Variants in CYP4F2 observed in about 807,000 individuals in gnomAD.
CYP4F2 encodes cytochrome P450 family 4 subfamily F member 2, also known as cytochrome P450 4F2.
CYP4F2 carries 58 observed loss-of-function variants against 58.9 expected under a neutral mutation model. The ratio of observed to expected loss-of-function variants is 0.98; its 90% CI spans 0.80 to 1.23. The LOEUF (loss-of-function observed/expected upper bound fraction) is 1.23, where lower values mean the gene tolerates loss of function less well. Among genes scored for constraint, CYP4F2 ranks in the 50% most tolerant of loss-of-function variants. CYP4F2 has a pLI of 0.00. For missense variants in CYP4F2, 616 were observed against 685.6 expected (o/e 0.90, Z 1.13); for synonymous variants, 287 against 261.1 (o/e 1.10, Z -0.95).
chr19:15,879,090 A>G (rs944093569), intron 12 of CYP4F2, among the ~76,000 whole-genome samples, 154 bp from the exon 13 acceptor site: 5 of 152,136 alleles, frequency 3.3e-5, no homozygotes, highest in Non-Finnish European at 7.4e-5. Flanking sequence ...GCGGGCTTGC[A>G]TATCCTGCAA....
intron 5 of CYP4F2, 69 bp downstream of exon 5, chr19:15,892,240 C>G: frequency 6.2e-7 from 1 of 1,602,078 alleles, no homozygotes; most frequent in South Asian, 1.1e-5. Flanking sequence ...GCCAAAACTC[C>G]AGACTAGATC....
In CYP4F2 at chr19:15,887,967, G is replaced by A. The variant is rs373517754; in HGVS notation, c.918+1456C>T. On this transcript the variant is annotated intron_variant, in intron 7 of 12. Coordinates refer to ENST00000221700, the MANE Select transcript of CYP4F2 (RefSeq NM_001082.5). The stretch of plus-strand genomic sequence containing the variant: ...ACAGACACACACACACATAGACAAA[G>A]TCACAGACTTAGAAACACAGACACA... Among the ~76,000 whole-genome samples, 4 of 150,020 alleles carry A rather than the reference G, an allele frequency of 2.7e-5. No individual in the cohort carries two copies. In the East Asian group the frequency reaches 7.9e-4, roughly 30 times the overall value.
intron 5 of CYP4F2, among the ~76,000 whole-genome samples, chr19:15,891,173 A>C (rs2089414135): frequency 6.6e-6 from 1 of 152,178 alleles, no homozygotes; most frequent in Non-Finnish European, 1.5e-5. Flanking sequence ...GGATAAGGTA[A>C]AGACTCCCTC....
chr19:15,892,832 GC>G (rs2089425058), intron 3 of CYP4F2, among the ~76,000 whole-genome samples: 1 of 152,110 alleles, frequency 6.6e-6, no homozygotes. Flanking sequence ...GTTCCAGCAT[GC>G]CTTGACATGC....
chr19:15,886,215 T>A, intron 8 of CYP4F2, 27 bp downstream of exon 8: 2 of 1,613,794 alleles, frequency 1.2e-6, no homozygotes, highest in Non-Finnish European at 8.5e-7. Context: ...CCCGGTCCCC[T>A]CTCTAGCCCC....
intron 1 of CYP4F2, 192 bp from the exon 2 acceptor site, chr19:15,897,804 G>C: frequency 1.6e-6 from 1 of 620,020 alleles, no homozygotes; most frequent in East Asian, 2.9e-5. Context: ...GTGGCCTCCA[G>C]TTCCCTAGTA....
chr19:15,887,739 C>T (rs1256345154), intron 7 of CYP4F2, among the ~76,000 whole-genome samples: 10 of 151,846 alleles, frequency 6.6e-5, no homozygotes, highest in Admixed American at 1.3e-4. Flanking sequence ...GAAACACAGA[C>T]ACACAAATAC....
chr19:15,878,804 G>A lies in CYP4F2; in HGVS notation c.1530C>T (p.Gly510=), dbSNP rs1486329751. ...RKPELVLRAE[G]GLWLRVEPLS ...GGGGCTCCACCCGCAGCCAAAGTCC[G>A]CCCTCTGCGCGCAGGACCAGCTCCG... The change falls in exon 13 of 13, where the codon GGC becomes GGT. Residue 510 remains glycine (G), a synonymous_variant. Coordinates refer to ENST00000221700, the MANE Select transcript of CYP4F2 (RefSeq NM_001082.5). 1.9e-6 allele frequency: 3 copies of A among 1,613,622 alleles called. No individual in the cohort carries two copies. The African/African-American group carries it at 4.0e-5, about 22-fold the overall frequency.
intron 9 of CYP4F2, among the ~76,000 whole-genome samples, chr19:15,881,386 GAA>G (rs769185916): frequency 1.3e-5 from 2 of 152,062 alleles, no homozygotes; most frequent in African/African-American, 2.4e-5. Context: ...AAAAGTATAT[GAA>G]TATATATTTA....
rs757618529 is a variant in CYP4F2 at position 15,890,318 on chromosome 19, C to T, written c.641G>A (p.Cys214Tyr). Reference protein sequence around the residue: ...QKCVFSFDSHCQEKPSEYIAA... With the variant: ...QKCVFSFDSHYQEKPSEYIAA... ...ATCCTGGGCAAGAACTTACTCCTGA[C>T]AATGGCTGTCAAAGCTGAAGACACA... Residue 214 changes from cysteine (C) to tyrosine (Y), a missense_variant, in exon 6 of 13, where the codon TGT becomes TAT. By Grantham distance (194) the Cys-to-Tyr change is radical (BLOSUM62 -2). Coordinates refer to ENST00000221700, the MANE Select transcript of CYP4F2 (RefSeq NM_001082.5). The T allele has an allele frequency of 1.2e-6, 2 of 1,614,098 alleles. No homozygotes were observed. The highest frequency in any genetic ancestry group is 2.2e-5 in the South Asian group (2 of 91,074).
chr19:15,897,478 C>T lies in CYP4F2; in HGVS notation c.134G>A (p.Cys45Tyr), dbSNP rs765494621. Residue 45 changes from cysteine (C) to tyrosine (Y), a missense_variant, in exon 2 of 13, where the codon TGC becomes TAC. Physicochemically the swap from Cys to Tyr is radical, Grantham distance 194 (BLOSUM62 -2). Coordinates refer to ENST00000221700, the MANE Select transcript of CYP4F2 (RefSeq NM_001082.5). Reference protein sequence around the residue: ...LAWTYAFYDNCRRLRCFPQPP... With the variant: ...LAWTYAFYDNYRRLRCFPQPP... ...TTGTGGGAAACACCGAAGGCGGCGG[C>T]AGTTGTCATAGAAGGCGTAGGTCCA... The T allele has an allele frequency of 2.5e-6, 4 of 1,614,002 alleles. No individual in the cohort carries two copies. Among genetic ancestry groups the T allele is most frequent in the Admixed American group, 3.3e-5 (2 of 59,992 alleles).
Position 15,878,779 on chromosome 19 carries a change from G to A in CYP4F2, c.1555C>T (p.Leu519=), listed in dbSNP as rs3093200. ...GTGGGTCTCTGCAGAACTCAGCTCA[G>A]GGGCTCCACCCGCAGCCAAAGTCCG... The part of the protein sequence containing the change: ...EGGLWLRVEP[L]S Residue 519 remains leucine, a synonymous_variant, in exon 13 of 13, where the codon CTG becomes TTG. Transcript: ENST00000221700. The A allele has an allele frequency of 3.1e-6, 5 of 1,611,244 alleles. No individual in the cohort carries two copies. The highest frequency in any genetic ancestry group is 1.4e-5 in the African/African-American group (1 of 73,618).
At chr19:15,881,955 G>A (rs1281431275) in intron 9 of CYP4F2, among the ~76,000 whole-genome samples, 12 of 152,252 alleles carry the variant, frequency 7.9e-5, no homozygotes, top group Admixed American at 7.2e-4. Flanking sequence ...CATAGAAACA[G>A]GAGTGGAGGT....
chr19:15,885,985 C>T lies in CYP4F2; in HGVS notation c.1054G>A (p.Glu352Lys), dbSNP rs868591807. The change falls in exon 9 of 13, where the codon GAG becomes AAG. Residue 352 changes from glutamate to lysine, a missense_variant. Glu to Lys is a moderately conservative substitution (Grantham distance 56). Coordinates refer to ENST00000221700, the MANE Select transcript of CYP4F2 (RefSeq NM_001082.5). ...YHLAKHPEYQ[E>K]RCRQEVQELL... is the part of the protein sequence containing the mutation. ...TCTTGCACCTCCTGCCGGCAGCGCT[C>T]CTGGTATTCTGGGTGCTTTGCAAGG... 10 of 1,614,012 alleles carry T rather than the reference C, an allele frequency of 6.2e-6. No homozygotes were observed. The highest frequency in any genetic ancestry group is 2.2e-5 in the South Asian group (2 of 91,086).
chr19:15,894,956 A>C (rs1001682680), intron 3 of CYP4F2, among the ~76,000 whole-genome samples: 2 of 152,176 alleles, frequency 1.3e-5, no homozygotes, highest in African/African-American at 4.8e-5. Flanking sequence ...ATCCCCCACC[A>C]GCCACAAGTC....
rs2089403533 is a variant in CYP4F2 at position 15,889,537 on chromosome 19, A to T, written c.804T>A (p.Asp268Glu). ...RACRLVHDFT[D>E]AVIQERRRTL... ...TGCGGCGCCGCTCCTGGATGACGGC[A>T]TCTGTGAAGTCGTGCACCAGGCGGC... Residue 268 changes from aspartate to glutamate, a missense_variant, in exon 7 of 13, where the codon GAT becomes GAA. Coordinates refer to ENST00000221700, the MANE Select transcript of CYP4F2 (RefSeq NM_001082.5). The T allele has an allele frequency of 6.2e-7, 1 of 1,614,100 alleles. No homozygotes were observed. Among genetic ancestry groups the T allele is most frequent in the Non-Finnish European group, 8.5e-7 (1 of 1,180,052 alleles).
chr19:15,897,802 C>G, intron 1 of CYP4F2, 190 bp from the exon 2 acceptor site: 1 of 627,474 alleles, frequency 1.6e-6, no homozygotes. Flanking sequence ...AAGTGGCCTC[C>G]AGTTCCCTAG....
At position 15,889,710 on chromosome 19, in the gene CYP4F2, G is replaced by A; in HGVS notation, c.648-17C>T. ...CTGGGTTTCCTGCAGGATAAGGGCA[G>A]AAAGGGAGGCAACAATTTAATATAC... On this transcript the variant is annotated splice_polypyrimidine_tract_variant and intron_variant, in intron 6 of 12. Coordinates refer to ENST00000221700, the MANE Select transcript of CYP4F2 (RefSeq NM_001082.5). 6.2e-7 allele frequency: 1 copy of A among 1,611,146 alleles called. No individual in the cohort carries two copies. Among genetic ancestry groups the A allele is most frequent in the Non-Finnish European group, 8.5e-7 (1 of 1,177,778 alleles).
chr19:15,896,335 G>A lies in CYP4F2; in HGVS notation c.199-685C>T, dbSNP rs373521534. Among the ~76,000 whole-genome samples, 665 of 151,762 alleles carry A rather than the reference G, an allele frequency of 4.4e-3. 3 individuals are homozygous for A. Among genetic ancestry groups the A allele is most frequent in the African/African-American group, 0.016 (642 of 41,316 alleles). On this transcript the variant is annotated intron_variant, in intron 2 of 12. Transcript: ENST00000221700. ...ATTCCTCCTGCTCTATCTCTCTTGGGTCCATCTCCAAGTCCCAAGGGTGCA... is the reference window on the plus strand; with the variant it reads ...ATTCCTCCTGCTCTATCTCTCTTGGATCCATCTCCAAGTCCCAAGGGTGCA...
Sources: allele counts gnomAD v4.1 joint callset (sites outside exome capture counted in the v4.1 genomes callset), GRCh38; gene constraint gnomAD v4.1.1; transcripts MANE v1.5; gene names NCBI Gene and HGNC (gene_info 2026-07-23, HGNC 2026-07-21).